APCDD1L: variants seen among roughly 807,000 people sequenced by gnomAD.
The protein encoded by APCDD1L is APC down-regulated 1 like, also known as protein APCDD1-like.
In APCDD1L, 21 loss-of-function variants were observed where a neutral mutation model predicts 24.2. The ratio of observed to expected loss-of-function variants is 0.87; its 90% confidence interval spans 0.61 to 1.25. The LOEUF is 1.25. Among genes scored for constraint, APCDD1L ranks in the 50% most tolerant of loss-of-function variants. APCDD1L has a pLI of 0.00. For synonymous variants in APCDD1L, 321 were observed against 323.6 expected, an observed-to-expected ratio of 0.99 and a Z score of 0.09; for missense variants, 704 against 711.7, an observed-to-expected ratio of 0.99 and a Z score of 0.12.
chr20:58,466,052 C>T (rs1289212250), intron 3 of APCDD1L, among the ~76,000 whole-genome samples: 3 of 149,504 alleles, frequency 2.0e-5, no homozygotes, highest in Admixed American at 6.7e-5. Context: ...TTGTAGGAGC[C>T]AGGCTCTGAG....
chr20:58,485,655 C>G (rs1298969764), intron 1 of APCDD1L, among the ~76,000 whole-genome samples: 1 of 152,244 alleles, frequency 6.6e-6, no homozygotes, highest in African/African-American at 2.4e-5. Context: ...GGCACTCACT[C>G]TGGCCCCTGT....
Position 58,467,237 on chromosome 20 carries a change from G to T in APCDD1L, c.610C>A (p.Arg204Ser). Residue 204 changes from arginine (R) to serine (S), a missense_variant, in exon 3 of 4, where the codon CGC (arginine) becomes AGC (serine). Arg to Ser is a moderately radical substitution (Grantham distance 110). Transcript: ENST00000371149. The surrounding 1 kb of genome is among the most constrained non-coding windows in gnomAD (Gnocchi z 5.9). ...HELSLVRVQR[R>S]LQPQPRASPR... ...GACGCCCGGGGCTGCGGCTGCAGGC[G>T]GCGCTGCACGCGGACCAGGCTGAGC... is the stretch of plus-strand genomic sequence containing the variant. 6.3e-7 allele frequency: 1 copy of T among 1,593,650 alleles called. No homozygotes were observed.
chr20:58,495,071 C>T (rs1158332468), intron 1 of APCDD1L, among the ~76,000 whole-genome samples: 1 of 152,196 alleles, frequency 6.6e-6, no homozygotes, highest in Non-Finnish European at 1.5e-5. Context: ...CTGGCCCCAA[C>T]TGGTGCAGAT....
At chr20:58,499,954 T>A (rs569399964) in intron 1 of APCDD1L, among the ~76,000 whole-genome samples, 1 of 152,352 alleles carries the variant, frequency 6.6e-6, no homozygotes, top group African/African-American at 2.4e-5. Flanking sequence ...TATGTGTGCC[T>A]ACTACAGACT....
chr20:58,487,954 G>A (rs62204180), intron 1 of APCDD1L, among the ~76,000 whole-genome samples: 2,045 of 152,192 alleles, frequency 0.013, 19 homozygotes, highest in Admixed American at 0.018. Flanking sequence ...ATATATGTGC[G>A]TGCCTGTGTG....
chr20:58,513,818 C>G (rs1175335260), intron 1 of APCDD1L: 2 of 1,202,328 alleles, frequency 1.7e-6, no homozygotes, highest in East Asian at 1.1e-4. Flanking sequence ...CATGCTTACC[C>G]AAAGCCAGAC....
intron 1 of APCDD1L, among the ~76,000 whole-genome samples, chr20:58,505,413 A>C (rs553145794): frequency 6.6e-6 from 1 of 152,060 alleles, no homozygotes; most frequent in African/African-American, 2.4e-5. Flanking sequence ...CTCCCATGTC[A>C]GTCCATTTTT....
chr20:58,511,860 G>T (rs1395964904), intron 1 of APCDD1L, among the ~76,000 whole-genome samples: 1 of 151,662 alleles, frequency 6.6e-6, no homozygotes, highest in African/African-American at 2.4e-5. Flanking sequence ...ACTTGCCATC[G>T]CAAAGTATAT....
chr20:58,473,871 A>T (rs1989858460), intron 1 of APCDD1L, among the ~76,000 whole-genome samples: 1 of 152,248 alleles, frequency 6.6e-6, no homozygotes, highest in Admixed American at 6.5e-5. Context: ...ATTAGATAGC[A>T]TTGTTCAAAT....
At chr20:58,486,766 AT>A (rs1256654283) in intron 1 of APCDD1L, among the ~76,000 whole-genome samples, 1 of 152,074 alleles carries the variant, frequency 6.6e-6, no homozygotes, top group African/African-American at 2.4e-5. Flanking sequence ...CAAATAAACA[AT>A]ACTGAAAGTA....
chr20:58,462,226 A>G (rs1339266405), intron 3 of APCDD1L, among the ~76,000 whole-genome samples: 1 of 152,124 alleles, frequency 6.6e-6, no homozygotes, highest in Non-Finnish European at 1.5e-5. Flanking sequence ...TCACTCTTCT[A>G]GGTGTTTCAG....
rs539065897 is a variant in APCDD1L at position 58,488,739 on chromosome 20, A to G, written c.50-17992T>C. Among the ~76,000 whole-genome samples, 126 of 152,372 alleles carry G rather than the reference A, an allele frequency of 8.3e-4. 1 individual carries two copies. The highest frequency in any genetic ancestry group is 1.6e-3 in the Non-Finnish European group (109 of 68,040). ...CAGATAAATCAATACTTCGAGGTAA[A>G]CCTATAGGCTTATGAGCATATTGTT... is the stretch of plus-strand genomic sequence containing the variant. On this transcript the variant is annotated intron_variant, in intron 1 of 3. Coordinates refer to ENST00000371149, the MANE Select transcript of APCDD1L (RefSeq NM_153360.3).
Position 58,467,345 on chromosome 20 carries a change from A to G in APCDD1L, c.502T>C (p.Trp168Arg), listed in dbSNP as rs1258861587. The G allele has an allele frequency of 6.7e-7, 1 of 1,485,232 alleles. No homozygotes were observed. Among genetic ancestry groups the G allele is most frequent in the South Asian group, 1.3e-5 (1 of 76,836 alleles). The allele number at this position is 1,485,232 out of a possible 1,614,324, so 92.0% of individuals were successfully genotyped here. ...CARRLPPARA[W>R]LPGALYELRS... Reference sequence around the variant, plus strand: ...AGCTCGTACAGCGCCCCAGGCAGCCAGGCCCGGGCCGGAGGCAGCCGCCGC... The same window carrying G: ...AGCTCGTACAGCGCCCCAGGCAGCCGGGCCCGGGCCGGAGGCAGCCGCCGC... The change falls in exon 3 of 4, where the codon TGG becomes CGG. Residue 168 changes from tryptophan to arginine, a missense_variant. Trp to Arg is a moderately radical substitution (Grantham distance 101). Transcript: ENST00000371149. The surrounding 1 kb of genome is among the most constrained non-coding windows in gnomAD (Gnocchi z 5.9).
chr20:58,496,887 G>A (rs1713496949), intron 1 of APCDD1L, among the ~76,000 whole-genome samples: 1 of 152,192 alleles, frequency 6.6e-6, no homozygotes, highest in Non-Finnish European at 1.5e-5. Context: ...ATGGAGGAAA[G>A]GGACCCCCTA....
intron 1 of APCDD1L, among the ~76,000 whole-genome samples, chr20:58,498,468 A>C (rs1172868407): frequency 1.3e-5 from 2 of 152,234 alleles, no homozygotes; most frequent in Non-Finnish European, 2.9e-5. Flanking sequence ...GAAAGAAAAA[A>C]AGGATTCTGT....
intron 3 of APCDD1L, among the ~76,000 whole-genome samples, chr20:58,465,145 G>A (rs73183246): frequency 0.06 from 9,157 of 152,234 alleles, 427 homozygotes; most frequent in Non-Finnish European, 0.091. Context: ...GGTGGTGGTG[G>A]CCGGTAATCA....
Position 58,467,783 on chromosome 20 carries a change from C to G in APCDD1L, c.189-125G>C. 1.0e-6 allele frequency: 1 copy of G among 994,198 alleles called. No homozygotes were observed. Among genetic ancestry groups the G allele is most frequent in the Non-Finnish European group, 1.3e-6 (1 of 744,148 alleles). The allele number at this position is 994,198 out of a possible 1,614,324, so 61.6% of individuals were successfully genotyped here. On this transcript the variant is annotated intron_variant, in intron 2 of 3. Transcript: ENST00000371149. The surrounding 1 kb of genome is among the most constrained non-coding windows in gnomAD (Gnocchi z 5.9). ...TCTTAGTCCTCAGCTCAGGCCTGGG[C>G]CCCTCCAGCCTCAGTTCCCCTCACT...
intron 1 of APCDD1L, among the ~76,000 whole-genome samples, chr20:58,487,847 G>T (rs1210524825): frequency 6.6e-6 from 1 of 152,174 alleles, no homozygotes; most frequent in African/African-American, 2.4e-5. Context: ...GCATAGTTTT[G>T]CACAAGGCTT....
chr20:58,504,475 C>T (rs1027139035), intron 1 of APCDD1L, among the ~76,000 whole-genome samples: 4 of 152,162 alleles, frequency 2.6e-5, no homozygotes, highest in African/African-American at 4.8e-5. Context: ...AGCCCAGTAG[C>T]GTCTATTTCT....
Sources: gnomAD v4.1 joint callset for allele counts (sites outside exome capture counted in the v4.1 genomes callset) on GRCh38, gnomAD v4.1.1 for gene constraint, Gnocchi (gnomAD v3.1) non-coding constraint, MANE v1.5 for transcripts, NCBI Gene and HGNC (gene_info 2026-07-23, HGNC 2026-07-21) for gene names.